Variants in CFAP61 observed in about 807,000 individuals in gnomAD.
CFAP61 encodes cilia and flagella associated protein 61.
Under a neutral mutation model 135.6 loss-of-function variants are expected in CFAP61, and 107 were observed. That is an observed-to-expected ratio of 0.79 (90% CI 0.67 to 0.93). CFAP61 has a LOEUF of 0.93. Among genes scored for constraint, CFAP61 ranks in the 40% least tolerant of loss-of-function variants. CFAP61 has a pLI of 0.00. For synonymous variants in CFAP61, 575 were observed against 578.5 expected, an observed-to-expected ratio of 0.99 and a Z score of 0.09; for missense variants, 1,507 against 1,556.2, an observed-to-expected ratio of 0.97 and a Z score of 0.53.
At chr20:20,167,788 G>A (rs554518805) in intron 12 of CFAP61, among the ~76,000 whole-genome samples, 3 of 152,322 alleles carry the variant, frequency 2.0e-5, no homozygotes, top group African/African-American at 7.2e-5. Flanking sequence ...ACTCCTTTGA[G>A]TTGCACAAAT....
intron 8 of CFAP61, among the ~76,000 whole-genome samples, chr20:20,105,153 T>C (rs905716060): frequency 4.6e-5 from 7 of 152,080 alleles, no homozygotes; most frequent in Non-Finnish European, 1.5e-5. Context: ...CATAAGCCCA[T>C]GTTCTTCCCC....
chr20:20,250,979 T>A (rs1055121443), intron 19 of CFAP61, among the ~76,000 whole-genome samples: 1 of 152,236 alleles, frequency 6.6e-6, no homozygotes, highest in African/African-American at 2.4e-5. Context: ...ACCTCTGCCC[T>A]GAAGGGTGAA....
chr20:20,275,241 C>T (rs1035028137), intron 21 of CFAP61, among the ~76,000 whole-genome samples: 1 of 152,216 alleles, frequency 6.6e-6, no homozygotes, highest in African/African-American at 2.4e-5. Context: ...GATCAGCTGA[C>T]ATCAGTCCAC....
In CFAP61 at chr20:20,193,804, G is replaced by C. The variant is rs138582662; in HGVS notation, c.1590+2385G>C. Reference sequence around the variant, plus strand: ...AATTTTTGTATTTTTAGTAGAGATGGGGTTTCACCATGTTGGCCAGTCTGG... The same window carrying C: ...AATTTTTGTATTTTTAGTAGAGATGCGGTTTCACCATGTTGGCCAGTCTGG... On this transcript the variant is annotated intron_variant, in intron 15 of 26. Coordinates refer to ENST00000245957, the MANE Select transcript of CFAP61 (RefSeq NM_015585.4). Among the ~76,000 whole-genome samples the C allele has an allele frequency of 4.2e-3, 642 of 152,110 alleles. 10 individuals carry two copies. Among genetic ancestry groups the C allele is most frequent in the African/African-American group, 0.015 (623 of 41,480 alleles).
intron 25 of CFAP61, among the ~76,000 whole-genome samples, chr20:20,308,616 C>G (rs1211510147): frequency 6.6e-6 from 1 of 152,140 alleles, no homozygotes; most frequent in African/African-American, 2.4e-5. Flanking sequence ...CAACCCCAGG[C>G]AGCCTGGCAC....
chr20:20,294,212 G>A (rs566992790), intron 24 of CFAP61, among the ~76,000 whole-genome samples: 138 of 152,312 alleles, frequency 9.1e-4, no homozygotes, highest in African/African-American at 3.3e-3. Flanking sequence ...GGTGCCCTAC[G>A]GCATCACTTA....
At chr20:20,138,711 G>A (rs1043116479) in intron 8 of CFAP61, among the ~76,000 whole-genome samples, 6 of 152,180 alleles carry the variant, frequency 3.9e-5, no homozygotes, top group Non-Finnish European at 8.8e-5. Context: ...GTGCTTTGTT[G>A]TGTACATAAT....
intron 24 of CFAP61, among the ~76,000 whole-genome samples, chr20:20,297,057 G>A (rs565932411): frequency 7.2e-5 from 11 of 151,860 alleles, no homozygotes; most frequent in Admixed American, 5.2e-4. Flanking sequence ...TCTCACACAC[G>A]CACCTGGGGG....
intron 18 of CFAP61, among the ~76,000 whole-genome samples, chr20:20,231,340 T>G (rs6035587): frequency 0.069 from 10,535 of 152,234 alleles, 398 homozygotes; most frequent in Middle Eastern, 0.14. Context: ...AGGAGCCTGT[T>G]GGGCCCTCCA....
intron 25 of CFAP61, among the ~76,000 whole-genome samples, chr20:20,304,751 G>A (rs916248377): frequency 1.3e-5 from 2 of 152,052 alleles, no homozygotes; most frequent in Admixed American, 1.3e-4. Context: ...GGAGAAGTGG[G>A]GAAATGGGAG....
intron 6 of CFAP61, among the ~76,000 whole-genome samples, chr20:20,082,835 A>G (rs1490148049): frequency 6.6e-6 from 1 of 152,182 alleles, no homozygotes; most frequent in Non-Finnish European, 1.5e-5. Flanking sequence ...TTAAAAGTCA[A>G]AAAACAGCAG....
At chr20:20,093,434 CTTT>C (rs11479548) in intron 7 of CFAP61, among the ~76,000 whole-genome samples, 27 of 121,918 alleles carry the variant, frequency 2.2e-4, no homozygotes, top group Admixed American at 4.2e-4. Flanking sequence ...TTGTGTATTT[CTTT>C]TTTTTTTTTT....
intron 23 of CFAP61, among the ~76,000 whole-genome samples, chr20:20,289,370 G>A (rs749511018): frequency 2.0e-5 from 3 of 152,124 alleles, no homozygotes; most frequent in Admixed American, 1.3e-4. Flanking sequence ...TTAACCATTT[G>A]CAGCTGTAAA....
intron 7 of CFAP61, among the ~76,000 whole-genome samples, chr20:20,095,345 G>C (rs756802729): frequency 3.3e-5 from 5 of 152,162 alleles, no homozygotes; most frequent in Non-Finnish European, 7.3e-5. Flanking sequence ...GTTACTTTAA[G>C]GCAACCACTG....
chr20:20,317,946 G>A (rs2122227433), intron 25 of CFAP61, among the ~76,000 whole-genome samples: 1 of 152,338 alleles, frequency 6.6e-6, no homozygotes, highest in African/African-American at 2.4e-5. Context: ...CTGACAAACG[G>A]CGCCTGCAAG....
chr20:20,358,583 A>G (rs184116397), intron 26 of CFAP61, among the ~76,000 whole-genome samples: 2 of 152,200 alleles, frequency 1.3e-5, no homozygotes, highest in East Asian at 3.8e-4. Context: ...TGGCACCCAA[A>G]GTTTTCAGAA....
chr20:20,180,302 C>A (rs1472152343), intron 13 of CFAP61, among the ~76,000 whole-genome samples: 4 of 151,270 alleles, frequency 2.6e-5, no homozygotes, highest in African/African-American at 9.7e-5. Context: ...GCACTCCAGC[C>A]TGGGCAACAG....
At position 20,337,628 on chromosome 20, in the gene CFAP61, ATGGATGGATGGATAGATGGGTGGGTGGG is replaced by A. The variant is rs2058280154; in HGVS notation, c.3423-4189_3423-4162del. On this transcript the variant is annotated intron_variant, in intron 25 of 26. Transcript: ENST00000245957. ...GATAGATGGGTGGGTGGGTGGATGG[ATGGATGGATGGATAGATGGGTGGGTGGG>A]TGGATGGATGGATGGATGGATAGAA... Among the ~76,000 whole-genome samples, 4 of 61,550 alleles carry A rather than the reference ATGGATGGATGGATAGATGGGTGGGTGGG, an allele frequency of 6.5e-5. 2 individuals carry two copies. Among genetic ancestry groups the A allele is most frequent in the Non-Finnish European group, 8.0e-5 (2 of 25,032 alleles). The allele number at this position is 61,550 out of a possible 152,430, so 40.4% of individuals were successfully genotyped here.
intron 25 of CFAP61, chr20:20,323,291 C>T (rs2057606865): frequency 2.0e-6 from 2 of 985,390 alleles, no homozygotes; most frequent in South Asian, 4.7e-5. Flanking sequence ...AACAAACAAC[C>T]CTAAATTTTC....
Sources: allele counts gnomAD v4.1 joint callset (sites outside exome capture counted in the v4.1 genomes callset), GRCh38; gene constraint gnomAD v4.1.1; transcripts MANE v1.5; gene names NCBI Gene and HGNC (gene_info 2026-07-23, HGNC 2026-07-21).